The following DMD variants were observed in gnomAD, a reference collection of about 807,000 sequenced individuals.
DMD encodes the protein mutant dystrophin.
Under a neutral mutation model 330.1 loss-of-function variants are expected in DMD, and 63 were observed. That is an observed-to-expected ratio of 0.19 (90% CI 0.16 to 0.24). The LOEUF is 0.24. DMD is among the 10% of genes least tolerant of loss of function. The probability of loss-of-function intolerance (pLI) is 1.00; values close to 1 mark genes in which losing one functional copy is unlikely to be tolerated. For missense variants in DMD, 3,344 were observed against 2,684.1 expected (o/e 1.25, Z -5.43); for synonymous variants, 1,223 against 959.8 (o/e 1.27, Z -5.07).
At chrX:33,292,107 T>C (rs1349299332) in intron 1 of DMD, among the ~76,000 whole-genome samples, 1 of 111,264 alleles carries the variant, frequency 9.0e-6, no homozygotes, top group Non-Finnish European at 1.9e-5. Context: ...AAAACTTCCG[T>C]AACAATCTTT....
At chrX:31,657,127 T>C (rs763633116) in intron 54 of DMD, among the ~76,000 whole-genome samples, 168 of 112,043 alleles carry the variant, frequency 1.5e-3, no homozygotes, top group African/African-American at 5.4e-3. Context: ...GTAATTGATG[T>C]CATATTTTGG....
rs191216525 is a variant in DMD at position 32,476,098 on chromosome X, G to A, written c.2804-3789C>T. Among the ~76,000 whole-genome samples, 584 of 111,080 alleles carry A rather than the reference G, an allele frequency of 5.3e-3. 7 individuals carry two copies. The highest frequency in any genetic ancestry group is 0.017 in the African/African-American group (526 of 30,648). ...TGATCTAGAAGGAGAGGGGACTATG[G>A]GCAGACACATGGCGGTATGTTGGAT... On this transcript the variant is annotated intron_variant, in intron 21 of 78. Transcript: ENST00000357033.
intron 1 of DMD, among the ~76,000 whole-genome samples, chrX:33,114,410 G>A (rs1367207045): frequency 9.0e-6 from 1 of 110,955 alleles, no homozygotes; most frequent in African/African-American, 3.3e-5. Context: ...ACCGTGCCCG[G>A]CCAGCAAAAT....
chrX:33,261,957 A>C (rs6631767), intron 1 of DMD, among the ~76,000 whole-genome samples: 3 of 101,363 alleles, frequency 3.0e-5, no homozygotes, highest in African/African-American at 1.3e-4. Context: ...CCACCACCAC[A>C]ACCACAATGA....
intron 1 of DMD, among the ~76,000 whole-genome samples, chrX:33,138,668 G>A: frequency 1.8e-5 from 2 of 110,658 alleles, no homozygotes; most frequent in Middle Eastern, 9.3e-3. Flanking sequence ...TTTTGCCTTG[G>A]AGTAGTGTTT....
intron 9 of DMD, among the ~76,000 whole-genome samples, chrX:32,671,398 G>A (rs1248166832): frequency 7.2e-5 from 8 of 110,728 alleles, no homozygotes; most frequent in Non-Finnish European, 5.7e-5. Flanking sequence ...GAGTTCACCA[G>A]GTTCCCATTT....
intron 5 of DMD, among the ~76,000 whole-genome samples, chrX:32,820,739 G>C (rs1469689841): frequency 9.0e-6 from 1 of 111,618 alleles, no homozygotes. Flanking sequence ...GGAATTATTT[G>C]TTACTATGCC....
At chrX:32,614,716 C>T (rs2057423164) in intron 11 of DMD, among the ~76,000 whole-genome samples, 2 of 111,162 alleles carry the variant, frequency 1.8e-5, no homozygotes, top group Admixed American at 9.6e-5. Context: ...AAGTGCAAAG[C>T]ATCTGATAAT....
chrX:31,306,458 G>T (rs1436721872), intron 62 of DMD, among the ~76,000 whole-genome samples: 1 of 111,182 alleles, frequency 9.0e-6, no homozygotes, highest in African/African-American at 3.3e-5. Context: ...TTTCATCTCC[G>T]CCTGACTTCT....
At chrX:33,281,632 G>A (rs1396695577) in intron 1 of DMD, among the ~76,000 whole-genome samples, 1 of 110,976 alleles carries the variant, frequency 9.0e-6, no homozygotes, top group Non-Finnish European at 1.9e-5. Flanking sequence ...GTATGCAGGC[G>A]ACTTTTGATG....
intron 2 of DMD, among the ~76,000 whole-genome samples, chrX:32,887,480 T>C (rs1251651553): frequency 9.2e-6 from 1 of 108,968 alleles, no homozygotes; most frequent in Non-Finnish European, 1.9e-5. Context: ...CTATGAGAGG[T>C]GGCTCATGCC....
intron 52 of DMD, among the ~76,000 whole-genome samples, chrX:31,725,013 T>C (rs1050447300): frequency 4.5e-5 from 5 of 112,072 alleles, no homozygotes; most frequent in Non-Finnish European, 9.4e-5. Context: ...ATCCAGACTA[T>C]AATTACCTGA....
At chrX:31,309,868 G>A (rs751399575) in intron 62 of DMD, among the ~76,000 whole-genome samples, 8 of 111,539 alleles carry the variant, frequency 7.2e-5, no homozygotes, top group Admixed American at 2.9e-4. Flanking sequence ...ATAGAAAAAC[G>A]TTCATGTAGC....
intron 1 of DMD, among the ~76,000 whole-genome samples, chrX:33,286,862 G>A (rs985297575): frequency 1.8e-5 from 2 of 112,246 alleles, no homozygotes; most frequent in Non-Finnish European, 3.8e-5. Context: ...GAAGTAATTT[G>A]TGTCAATTCA....
chrX:31,351,500 C>T (rs1317742488), intron 60 of DMD, among the ~76,000 whole-genome samples: 4 of 109,457 alleles, frequency 3.7e-5, no homozygotes, highest in African/African-American at 1.0e-4. Flanking sequence ...CCGAGGCAGG[C>T]GGATCACTTG....
intron 7 of DMD, 40 bp downstream of exon 7, chrX:32,809,453 T>C (rs1484439284): frequency 3.7e-6 from 4 of 1,074,103 alleles, no homozygotes; most frequent in Non-Finnish European, 5.2e-6. Flanking sequence ...CATTAAACTC[T>C]ACCATACTAA....
chrX:32,084,059 T>C (rs989490970), intron 44 of DMD, among the ~76,000 whole-genome samples: 2 of 112,204 alleles, frequency 1.8e-5, no homozygotes, highest in Admixed American at 1.9e-4. Flanking sequence ...TCTATAATTG[T>C]ATTTTGTCAA....
intron 1 of DMD, among the ~76,000 whole-genome samples, chrX:33,131,896 A>G (rs1265363231): frequency 8.9e-6 from 1 of 112,324 alleles, no homozygotes; most frequent in Non-Finnish European, 1.9e-5. Flanking sequence ...GTTGTAAGAC[A>G]TTTAATATAT....
intron 44 of DMD, among the ~76,000 whole-genome samples, chrX:32,140,313 G>T (rs142957400): frequency 0.015 from 1,675 of 111,451 alleles, 27 homozygotes; most frequent in African/African-American, 0.052. Flanking sequence ...ATTTTTAAAT[G>T]GTCTAGCCAC....
Sources: allele counts gnomAD v4.1 joint callset (sites outside exome capture counted in the v4.1 genomes callset), GRCh38; gene constraint gnomAD v4.1.1; transcripts MANE v1.5; gene names NCBI Gene and HGNC (gene_info 2026-07-23, HGNC 2026-07-21).